The following KPNA5 variants were observed in gnomAD, a reference collection of about 807,000 sequenced individuals.
KPNA5 encodes the protein karyopherin subunit alpha 5, also known as importin subunit alpha-6.
A neutral mutation model predicts 71.3 loss-of-function variants in KPNA5; 46 were observed. The ratio of observed to expected loss-of-function variants is 0.65; its 90% CI spans 0.51 to 0.83. KPNA5 has a LOEUF of 0.83. Ranked by LOEUF, KPNA5 falls within the 40% of genes least tolerant of loss-of-function variation. The pLI, the probability that KPNA5 is intolerant of heterozygous loss-of-function variation, is 0.00. For synonymous variants in KPNA5, 207 were observed against 201.4 expected (o/e 1.03, Z -0.24); for missense variants, 547 against 628.3 (o/e 0.87, Z 1.38).
At chr6:116,697,889 A>G (rs1316503662) in intron 4 of KPNA5, among the ~76,000 whole-genome samples, 1 of 152,038 alleles carries the variant, frequency 6.6e-6, no homozygotes, top group Non-Finnish European at 1.5e-5. Context: ...TCACTTAGGA[A>G]TATGGTCTGA....
chr6:116,707,603 G>A (rs989936205), intron 7 of KPNA5, among the ~76,000 whole-genome samples: 7 of 152,160 alleles, frequency 4.6e-5, no homozygotes, highest in African/African-American at 1.4e-4. Context: ...TAATAAAAAC[G>A]AGAAGGAGGG....
In KPNA5 at chr6:116,732,799, T is replaced by C. The variant is rs1380188296; in HGVS notation, c.*476T>C. The stretch of plus-strand genomic sequence containing the variant: ...ACAAAAAAGCTTCAGAAGCATGAAA[T>C]AATGCAAATGCTAAATTAGAATGTG... On this transcript the variant is annotated 3_prime_UTR_variant, in exon 14 of 14. Coordinates refer to ENST00000368564, the MANE Select transcript of KPNA5 (RefSeq NM_001366306.2). 1 of 151,968 alleles carries C rather than the reference T, an allele frequency of 6.6e-6. No individual in the cohort carries two copies. The highest frequency in any genetic ancestry group is 1.5e-5 in the Non-Finnish European group (1 of 67,888). 9.4% of individuals were successfully genotyped at this position (151,968 alleles called of 1,614,324 possible). A position where few individuals can be genotyped will look rare whatever the true frequency, so the allele number is the denominator to read the frequency against.
chr6:116,704,376 G>A (rs1235539898), intron 6 of KPNA5, among the ~76,000 whole-genome samples: 2 of 151,840 alleles, frequency 1.3e-5, no homozygotes, highest in African/African-American at 4.8e-5. Context: ...AAGTATTTGT[G>A]TATCTACACA....
At chr6:116,698,948 G>C (rs911324991) in intron 5 of KPNA5, 150 bp downstream of exon 5, 8 of 449,386 alleles carry the variant, frequency 1.8e-5, no homozygotes, top group African/African-American at 1.4e-4. Context: ...TCTTGTCTTG[G>C]ACACGGTTTC....
intron 7 of KPNA5, among the ~76,000 whole-genome samples, chr6:116,711,433 A>G (rs1477205678): frequency 1.3e-5 from 2 of 150,084 alleles, no homozygotes; most frequent in Admixed American, 6.6e-5. Flanking sequence ...TTTTTTTCAT[A>G]TGGGGTGTTA....
chr6:116,720,547 T>A (rs998252461), intron 8 of KPNA5, among the ~76,000 whole-genome samples: 3 of 152,222 alleles, frequency 2.0e-5, no homozygotes, highest in Non-Finnish European at 1.5e-5. Flanking sequence ...ATACTTTATA[T>A]TTGCTTCAAA....
chr6:116,697,602 A>C (rs1778075991), intron 4 of KPNA5, among the ~76,000 whole-genome samples: 1 of 152,082 alleles, frequency 6.6e-6, no homozygotes, highest in Non-Finnish European at 1.5e-5. Context: ...CATCAAACAC[A>C]GTATGTTAAC....
intron 2 of KPNA5, among the ~76,000 whole-genome samples, chr6:116,691,085 C>T (rs771414849): frequency 5.3e-5 from 8 of 151,972 alleles, no homozygotes; most frequent in Admixed American, 2.0e-4. Context: ...AAAAATTAGC[C>T]GAGCATGGTG....
rs1321477680 is a variant in KPNA5 at position 116,738,327 on chromosome 6, A to G, written c.*6004A>G. On this transcript the variant is annotated 3_prime_UTR_variant, in exon 14 of 14. Coordinates refer to ENST00000368564, the MANE Select transcript of KPNA5 (RefSeq NM_001366306.2). ...AAGAAGTTGAATCTCTGAATAGACCAATAACAGGATCTGAAATTGTGGCAA... is the reference window on the plus strand; with the variant it reads ...AAGAAGTTGAATCTCTGAATAGACCGATAACAGGATCTGAAATTGTGGCAA... The G allele has an allele frequency of 6.6e-6, 1 of 152,232 alleles. No individual in the cohort carries two copies. Among genetic ancestry groups the G allele is most frequent in the Non-Finnish European group, 1.5e-5 (1 of 68,058 alleles). 9.4% of individuals were successfully genotyped at this position (152,232 alleles called of 1,614,324 possible). A position where few individuals can be genotyped will look rare whatever the true frequency, so the allele number is the denominator to read the frequency against.
intron 7 of KPNA5, among the ~76,000 whole-genome samples, chr6:116,712,345 G>T (rs1159416517): frequency 6.6e-6 from 1 of 152,138 alleles, no homozygotes; most frequent in Non-Finnish European, 1.5e-5. Context: ...TCTCATTAGT[G>T]TAACTATTCG....
intron 8 of KPNA5, among the ~76,000 whole-genome samples, chr6:116,721,093 T>C (rs1416736971): frequency 1.3e-5 from 2 of 151,764 alleles, no homozygotes; most frequent in East Asian, 1.9e-4. Flanking sequence ...CCAGCAGAGA[T>C]GGTAACTGCT....
In KPNA5 at chr6:116,738,295, A is replaced by C. The variant is rs930974700; in HGVS notation, c.*5972A>C. ...CGACACATAAACCCTCCCAAGACTA[A>C]ACCAGGAAGAAGTTGAATCTCTGAA... On this transcript the variant is annotated 3_prime_UTR_variant, in exon 14 of 14. Coordinates refer to ENST00000368564, the MANE Select transcript of KPNA5 (RefSeq NM_001366306.2). 6.6e-6 allele frequency: 1 copy of C among 152,232 alleles called. No homozygotes were observed. The highest frequency in any genetic ancestry group is 2.1e-4 in the South Asian group (1 of 4,834). 9.4% of individuals were successfully genotyped at this position (152,232 alleles called of 1,614,324 possible).
intron 6 of KPNA5, among the ~76,000 whole-genome samples, chr6:116,703,301 C>G (rs1778297812): frequency 6.7e-6 from 1 of 150,098 alleles, no homozygotes; most frequent in African/African-American, 2.5e-5. Context: ...TTGCTCTCGT[C>G]CCCCACGCTG....
At chr6:116,699,615 T>C (rs1778156645) in intron 5 of KPNA5, among the ~76,000 whole-genome samples, 2 of 152,220 alleles carry the variant, frequency 1.3e-5, no homozygotes, top group African/African-American at 4.8e-5. Flanking sequence ...TGTGTGAATG[T>C]GAAAAATTGT....
chr6:116,692,446 G>T, intron 4 of KPNA5, 54 bp downstream of exon 4: 3 of 1,104,880 alleles, frequency 2.7e-6, no homozygotes, highest in East Asian at 4.9e-5. Context: ...TTTAGTAGAG[G>T]TTTATTTTAT....
chr6:116,725,544 G>C (rs532102795), intron 10 of KPNA5, among the ~76,000 whole-genome samples: 1 of 152,240 alleles, frequency 6.6e-6, no homozygotes, highest in Non-Finnish European at 1.5e-5. Context: ...ATTGGGTTGA[G>C]AACAGGGCAG....
intron 7 of KPNA5, among the ~76,000 whole-genome samples, chr6:116,711,554 G>A (rs1778688567): frequency 1.3e-5 from 2 of 151,018 alleles, no homozygotes; most frequent in South Asian, 4.2e-4. Flanking sequence ...GTGTGTGTGT[G>A]TGTGTGTGTG....
chr6:116,696,226 T>C (rs903540302), intron 4 of KPNA5, among the ~76,000 whole-genome samples: 1 of 152,170 alleles, frequency 6.6e-6, no homozygotes, highest in Non-Finnish European at 1.5e-5. Flanking sequence ...GCTTGCCCAG[T>C]TGGACATACA....
Position 116,729,581 on chromosome 6 carries a change from C to T in KPNA5, c.1272C>T (p.Gly424=). 6.4e-7 allele frequency: 1 copy of T among 1,573,258 alleles called. No homozygotes were observed. ...TCTGAAGGTATTTGGTAGCTTTAGG[C>T]TGCATTAAACCACTTTGTGATCTTT... ...PEQIRYLVAL[G]CIKPLCDLLT... Residue 424 remains glycine (G), a synonymous_variant, in exon 13 of 14, where the codon GGC becomes GGT. Coordinates refer to ENST00000368564, the MANE Select transcript of KPNA5 (RefSeq NM_001366306.2).
Sources: gnomAD v4.1 joint callset for allele counts (sites outside exome capture counted in the v4.1 genomes callset) on GRCh38, gnomAD v4.1.1 for gene constraint, MANE v1.5 for transcripts, NCBI Gene and HGNC (gene_info 2026-07-23, HGNC 2026-07-21) for gene names.